PAK3: variants seen among roughly 807,000 people sequenced by gnomAD.
PAK3 encodes the protein p21 (RAC1) activated kinase 3.
A neutral mutation model predicts 41.0 loss-of-function variants in PAK3; 4 were observed. That is an observed-to-expected ratio of 0.10 (90% CI 0.05 to 0.22). The LOEUF (loss-of-function observed/expected upper bound fraction) is 0.22. Ranked by LOEUF, PAK3 falls within the 10% of genes least tolerant of loss-of-function variation. The pLI is 1.00. For synonymous variants in PAK3, 146 were observed against 139.6 expected, an observed-to-expected ratio of 1.05 and a Z score of -0.32; for missense variants, 205 against 409.9, an observed-to-expected ratio of 0.50 and a Z score of 4.32.
At chrX:110,996,016 T>A (rs187771212) in intron 1 of PAK3, among the ~76,000 whole-genome samples, 1 of 111,967 alleles carries the variant, frequency 8.9e-6, no homozygotes, top group East Asian at 2.8e-4. Flanking sequence ...CACGTTATTC[T>A]CAAACTCATT....
intron 11 of PAK3, among the ~76,000 whole-genome samples, chrX:111,175,024 A>T (rs1368796663): frequency 8.9e-6 from 1 of 111,733 alleles, no homozygotes; most frequent in Non-Finnish European, 1.9e-5. Context: ...TACAGACCTC[A>T]GCTCTCCTTC....
At chrX:111,135,180 G>T (rs1312335768) in intron 5 of PAK3, among the ~76,000 whole-genome samples, 3 of 111,259 alleles carry the variant, frequency 2.7e-5, no homozygotes. Flanking sequence ...GGACAATGCA[G>T]AGGGACTATT....
At chrX:111,122,347 G>C (rs1051945219) in intron 4 of PAK3, among the ~76,000 whole-genome samples, 4 of 107,061 alleles carry the variant, frequency 3.7e-5, no homozygotes, top group Non-Finnish European at 7.7e-5. Context: ...AGCTACCTCT[G>C]TCACCTCCCT....
chrX:111,078,270 TG>T (rs1459171738), intron 1 of PAK3, among the ~76,000 whole-genome samples: 57 of 109,813 alleles, frequency 5.2e-4, no homozygotes, highest in African/African-American at 1.6e-3. Context: ...TGTTTTGTTT[TG>T]TTTTTTTTTT....
chrX:111,060,377 G>C (rs2092645253), intron 1 of PAK3, among the ~76,000 whole-genome samples: 1 of 111,151 alleles, frequency 9.0e-6, no homozygotes, highest in Non-Finnish European at 1.9e-5. Context: ...AAAGAATACT[G>C]GTCTATCATT....
intron 1 of PAK3, among the ~76,000 whole-genome samples, chrX:111,017,260 A>T (rs1212351973): frequency 3.6e-5 from 4 of 111,506 alleles, no homozygotes; most frequent in Non-Finnish European, 7.5e-5. Flanking sequence ...AGAAAATAAA[A>T]TAAATAAAAT....
At chrX:111,101,193 A>C (rs2093129980) in intron 3 of PAK3, among the ~76,000 whole-genome samples, 1 of 112,098 alleles carries the variant, frequency 8.9e-6, no homozygotes, top group Non-Finnish European at 1.9e-5. Flanking sequence ...GACACAGCAC[A>C]CATACACAGA....
chrX:111,058,657 C>T (rs2092626302), intron 1 of PAK3, among the ~76,000 whole-genome samples: 1 of 111,357 alleles, frequency 9.0e-6, no homozygotes, highest in East Asian at 2.8e-4. Context: ...CCCTTTGACA[C>T]ACACCCAAAA....
intron 8 of PAK3, among the ~76,000 whole-genome samples, chrX:111,161,584 GT>G (rs1166833432): frequency 9.0e-6 from 1 of 111,132 alleles, no homozygotes; most frequent in East Asian, 2.8e-4. Flanking sequence ...TTCTTCCAGG[GT>G]TTTTATGGTT....
chrX:110,969,571 G>A (rs1396155660), intron 1 of PAK3, among the ~76,000 whole-genome samples: 1 of 108,434 alleles, frequency 9.2e-6, no homozygotes, highest in Non-Finnish European at 1.9e-5. Context: ...AAAGTGCTGG[G>A]ATTACAGGCA....
intron 1 of PAK3, chrX:111,013,922 G>A (rs1242116141): frequency 8.9e-6 from 1 of 111,816 alleles, no homozygotes; most frequent in African/African-American, 3.2e-5. Flanking sequence ...TGGTCTCTGT[G>A]TCCCTAAATA....
chrX:111,192,102 C>A (rs1447635696), intron 11 of PAK3, 25 bp from the exon 12 acceptor site: 9 of 970,271 alleles, frequency 9.3e-6, no homozygotes, highest in South Asian at 2.0e-5. Context: ...ATTGCTTATT[C>A]TTTTGATAAT....
intron 16 of PAK3, among the ~76,000 whole-genome samples, chrX:111,209,774 A>G (rs1400070451): frequency 8.9e-6 from 1 of 112,449 alleles, no homozygotes; most frequent in Non-Finnish European, 1.9e-5. Flanking sequence ...GTCACAAACT[A>G]AAGCTTTTTA....
At chrX:111,115,920 G>A (rs974648737) in intron 4 of PAK3, among the ~76,000 whole-genome samples, 2 of 111,573 alleles carry the variant, frequency 1.8e-5, no homozygotes, top group African/African-American at 6.5e-5. Context: ...GAGCCATGAT[G>A]CACAGTTTGA....
chrX:111,066,725 A>G (rs1375085942), intron 1 of PAK3, among the ~76,000 whole-genome samples: 3 of 112,200 alleles, frequency 2.7e-5, no homozygotes, highest in African/African-American at 9.7e-5. Flanking sequence ...ATTTTAAAAC[A>G]AAACAATAAC....
chrX:111,083,114 A>G (rs1392281679), intron 1 of PAK3, among the ~76,000 whole-genome samples: 3 of 112,635 alleles, frequency 2.7e-5, no homozygotes, highest in Admixed American at 9.4e-5. Context: ...TTTTGTTTGA[A>G]ACGCAAAAGG....
rs755377090 is a variant in PAK3, at chrX:111,033,486, C to A, written c.-28+88858C>A. On this transcript the variant is annotated intron_variant, in intron 1 of 14. Transcript: ENST00000425146. ...TCGCTGCTGACTCAATGAAATGGAA[C>A]TTGCCCTAATTTGTTTTTAATTTTG... Among the ~76,000 whole-genome samples the A allele has an allele frequency of 2.7e-5, 3 of 111,984 alleles. No individual in the cohort carries two copies. In the South Asian group the frequency reaches 1.1e-3, roughly 42 times the overall value.
rs775693294 is a variant in PAK3 at position 111,115,758 on chromosome X, G to T, written c.-27-7319G>T. ...ACTTTTTTGGTGAACTGTGAGATTT[G>T]CTAAATTGATCTAAGTTCCTAGTTT... is the stretch of plus-strand genomic sequence containing the variant. On this transcript the variant is annotated intron_variant, in intron 4 of 17. Coordinates refer to ENST00000372007, the MANE Select transcript of PAK3 (RefSeq NM_002578.5). 3.6e-5 allele frequency among the ~76,000 whole-genome samples: 4 copies of T among 111,724 alleles called. No individual in the cohort carries two copies. In the East Asian group the frequency reaches 8.5e-4, roughly 24 times the overall value.
At chrX:111,210,967 A>T (rs1052418579) in intron 16 of PAK3, among the ~76,000 whole-genome samples, 11 of 111,745 alleles carry the variant, frequency 9.8e-5, no homozygotes, top group Non-Finnish European at 1.1e-4. Flanking sequence ...CACCATGTTT[A>T]CCTATCTAGG....
Sources: allele counts gnomAD v4.1 joint callset (sites outside exome capture counted in the v4.1 genomes callset), GRCh38; gene constraint gnomAD v4.1.1; transcripts MANE v1.5; gene names NCBI Gene and HGNC (gene_info 2026-07-23, HGNC 2026-07-21).